Variants in ODAD2 observed in about 807,000 individuals in gnomAD.
ODAD2 encodes outer dynein arm-docking complex subunit 2.
ODAD2 carries 89 observed loss-of-function variants against 106.8 expected under a neutral mutation model. That is an observed-to-expected ratio of 0.83 (90% CI 0.70 to 0.99). ODAD2 has a LOEUF of 0.99. Among genes scored for constraint, ODAD2 ranks in the 50% least tolerant of loss-of-function variants. The pLI, the probability that ODAD2 is intolerant of heterozygous loss-of-function variation, is 0.00. For missense variants in ODAD2, 1,168 were observed against 1,238.5 expected (o/e 0.94, Z 0.85); for synonymous variants, 404 against 436.2 (o/e 0.93, Z 0.92).
chr10:27,834,849 G>C (rs1255956280), intron 19 of ODAD2, among the ~76,000 whole-genome samples: 3 of 152,142 alleles, frequency 2.0e-5, no homozygotes, highest in Admixed American at 6.5e-5. Context: ...ACACACCTAA[G>C]TCATAGAGTC....
At chr10:27,978,725 G>A (rs113189047) in intron 7 of ODAD2, among the ~76,000 whole-genome samples, 1,660 of 152,238 alleles carry the variant, frequency 0.011, 17 homozygotes, top group South Asian at 0.028. Context: ...TCAGGAGGCA[G>A]AGGTTGCAGT....
chr10:27,987,787 T>A (rs1484265537), intron 2 of ODAD2, among the ~76,000 whole-genome samples: 2 of 151,866 alleles, frequency 1.3e-5, no homozygotes, highest in African/African-American at 2.4e-5. Flanking sequence ...TTTTTTTTTT[T>A]AGCAATTTCT....
At chr10:27,947,906 T>C (rs1847052521) in intron 10 of ODAD2, among the ~76,000 whole-genome samples, 1 of 152,240 alleles carries the variant, frequency 6.6e-6, no homozygotes, top group South Asian at 2.1e-4. Flanking sequence ...TATAATGTTT[T>C]CTTTGGTAGC....
intron 7 of ODAD2, among the ~76,000 whole-genome samples, chr10:27,975,752 AC>A (rs1849150013): frequency 2.0e-5 from 3 of 152,178 alleles, no homozygotes; most frequent in African/African-American, 7.2e-5. Context: ...TTAATTCTAT[AC>A]AAACTCTTCC....
intron 9 of ODAD2, 64 bp from the exon 10 acceptor site, chr10:27,961,779 A>T: frequency 7.0e-7 from 1 of 1,429,422 alleles, no homozygotes; most frequent in South Asian, 1.3e-5. Flanking sequence ...TAAGACCTAC[A>T]TGGGGCCAGG....
chr10:27,881,467 C>CA (rs879485907), intron 17 of ODAD2, among the ~76,000 whole-genome samples: 394 of 139,114 alleles, frequency 2.8e-3, no homozygotes, highest in African/African-American at 4.6e-3. Flanking sequence ...TCTGCTTCTA[C>CA]AAAAAAAAAA....
At position 27,984,147 on chromosome 10, in the gene ODAD2, G is replaced by A. The variant is rs1031983580; in HGVS notation, c.682+37C>T. On this transcript the variant is annotated intron_variant, in intron 5 of 19. Coordinates refer to ENST00000305242, the MANE Select transcript of ODAD2 (RefSeq NM_018076.5). ...ATTTTGCAAATGTAATTATGAAAATGTAAATAACATAAAATGAGCCTGAGA... is the reference window on the plus strand; with the variant it reads ...ATTTTGCAAATGTAATTATGAAAATATAAATAACATAAAATGAGCCTGAGA... 3 of 1,540,844 alleles carry A rather than the reference G, an allele frequency of 1.9e-6. No individual in the cohort carries two copies. In the African/African-American group the frequency reaches 4.1e-5, roughly 21 times the overall value.
chr10:27,871,368 C>G (rs1198837380), intron 17 of ODAD2, among the ~76,000 whole-genome samples: 2 of 152,188 alleles, frequency 1.3e-5, no homozygotes, highest in Non-Finnish European at 2.9e-5. Flanking sequence ...AATTAGATCC[C>G]ATTTGTCAAT....
At chr10:27,957,939 A>T (rs560733013) in intron 10 of ODAD2, among the ~76,000 whole-genome samples, 1 of 152,304 alleles carries the variant, frequency 6.6e-6, no homozygotes, top group East Asian at 1.9e-4. Flanking sequence ...TTAAATCTAC[A>T]TTTAAGCCAT....
chr10:27,817,181 C>T (rs1836202278), intron 19 of ODAD2, among the ~76,000 whole-genome samples: 2 of 152,084 alleles, frequency 1.3e-5, no homozygotes, highest in African/African-American at 4.8e-5. Flanking sequence ...AACAGAGTAG[C>T]CACTCTCTTT....
In ODAD2 at chr10:27,958,041, T is replaced by G. The variant is rs116800333; in HGVS notation, c.1386+3527A>C. On this transcript the variant is annotated intron_variant, in intron 10 of 19. Coordinates refer to ENST00000305242, the MANE Select transcript of ODAD2 (RefSeq NM_018076.5). ...TTCACAGACTTTTAATATCGTTTTG[T>G]GTCTCCATATAAAATATTTATCTGT... Among the ~76,000 whole-genome samples, 965 of 152,340 alleles carry G rather than the reference T, an allele frequency of 6.3e-3. 9 individuals carry two copies. Among genetic ancestry groups the G allele is most frequent in the African/African-American group, 0.022 (917 of 41,580 alleles).
intron 19 of ODAD2, among the ~76,000 whole-genome samples, chr10:27,852,960 C>CAA (rs61548333): frequency 7.1e-5 from 6 of 84,722 alleles, no homozygotes; most frequent in East Asian, 3.3e-4. Flanking sequence ...GACACAGTCT[C>CAA]AAAAAAAAAA....
intron 19 of ODAD2, among the ~76,000 whole-genome samples, chr10:27,842,675 A>T (rs1838399021): frequency 6.6e-6 from 1 of 152,220 alleles, no homozygotes; most frequent in South Asian, 2.1e-4. Context: ...AATTCCCCAC[A>T]GTAAAATCTT....
At chr10:27,895,039 A>G (rs1316271922) in intron 17 of ODAD2, among the ~76,000 whole-genome samples, 1 of 111,396 alleles carries the variant, frequency 9.0e-6, no homozygotes, top group Admixed American at 1.1e-4. Context: ...AGTCATCGGT[A>G]CGAAAAAAAA....
intron 19 of ODAD2, among the ~76,000 whole-genome samples, chr10:27,836,794 T>C (rs980067949): frequency 6.6e-6 from 1 of 152,226 alleles, no homozygotes; most frequent in African/African-American, 2.4e-5. Context: ...AATTGATTGA[T>C]TAATAATGTT....
At chr10:27,829,176 G>A (rs72631845) in intron 19 of ODAD2, among the ~76,000 whole-genome samples, 3 of 152,052 alleles carry the variant, frequency 2.0e-5, no homozygotes, top group Admixed American at 6.6e-5. Flanking sequence ...TTGGTTCAGC[G>A]TTCAAAAGCA....
chr10:27,935,282 G>A, intron 15 of ODAD2, 30 bp from the exon 16 acceptor site: 1 of 1,610,918 alleles, frequency 6.2e-7, no homozygotes. Context: ...GAGGAGAATT[G>A]GTTTTTGTAT....
At chr10:27,983,480 T>C (rs887567042) in intron 6 of ODAD2, among the ~76,000 whole-genome samples, 1 of 152,242 alleles carries the variant, frequency 6.6e-6, no homozygotes, top group African/African-American at 2.4e-5. Context: ...CCTCCAACTC[T>C]TAGGATGCAA....
At position 27,834,610 on chromosome 10, in the gene ODAD2, G is replaced by C. The variant is rs767649423; in HGVS notation, c.3022-21985C>G. On this transcript the variant is annotated intron_variant, in intron 19 of 19. Transcript: ENST00000305242. ...TGGTGGGGGCAAGGAGTGAGATAAC[G>C]ATGGAGAGGCAGGCAGGGGGCAGAT... Among the ~76,000 whole-genome samples, 3 of 152,188 alleles carry C rather than the reference G, an allele frequency of 2.0e-5. No individual in the cohort carries two copies. The East Asian group carries it at 5.8e-4, about 29-fold the overall frequency.
Sources: allele counts gnomAD v4.1 joint callset (sites outside exome capture counted in the v4.1 genomes callset), GRCh38; gene constraint gnomAD v4.1.1; transcripts MANE v1.5; gene names NCBI Gene and HGNC (gene_info 2026-07-23, HGNC 2026-07-21).